The following NAV2 variants were observed in gnomAD, a reference collection of about 807,000 sequenced individuals.
NAV2 encodes the protein neuron navigator 2.
A neutral mutation model predicts 223.2 loss-of-function variants in NAV2; 54 were observed. That is an observed-to-expected ratio of 0.24 (90% CI 0.19 to 0.30). NAV2 has a LOEUF of 0.30. Ranked by LOEUF, NAV2 falls within the 10% of genes least tolerant of loss-of-function variation. NAV2 has a pLI of 1.00. For synonymous variants in NAV2, 1,279 were observed against 1,239.3 expected (o/e 1.03, Z -0.67); for missense variants, 2,806 against 3,147.5 (o/e 0.89, Z 2.60).
intron 1 of NAV2, among the ~76,000 whole-genome samples, chr11:19,697,181 A>G (rs1674646948): frequency 6.6e-6 from 1 of 152,190 alleles, no homozygotes; most frequent in Non-Finnish European, 1.5e-5. Context: ...TAAGAATGGA[A>G]AACCAAATAT....
At chr11:19,732,116 G>C (rs1165623895) in intron 1 of NAV2, among the ~76,000 whole-genome samples, 1 of 152,100 alleles carries the variant, frequency 6.6e-6, no homozygotes, top group Non-Finnish European at 1.5e-5. Flanking sequence ...AACCAGGCAT[G>C]GTGGCGCGCA....
intron 1 of NAV2, among the ~76,000 whole-genome samples, chr11:19,361,727 G>C (rs1459939808): frequency 6.6e-6 from 1 of 152,158 alleles, no homozygotes; most frequent in Non-Finnish European, 1.5e-5. Flanking sequence ...GGACAGCAAA[G>C]AGAGAAACGG....
chr11:19,750,649 ACTGAGTT>A (rs2152497298), intron 1 of NAV2, among the ~76,000 whole-genome samples: 1 of 152,282 alleles, frequency 6.6e-6, no homozygotes, highest in African/African-American at 2.4e-5. Context: ...GGGGCTTTAT[ACTGAGTT>A]CTATCTCTCA....
At chr11:19,705,592 T>C (rs1393284831) in intron 1 of NAV2, among the ~76,000 whole-genome samples, 1 of 152,096 alleles carries the variant, frequency 6.6e-6, no homozygotes, top group Non-Finnish European at 1.5e-5. Context: ...TCTGCTCCCA[T>C]TAATCTTAGG....
chr11:19,627,430 G>A (rs2047203189), intron 1 of NAV2, among the ~76,000 whole-genome samples: 2 of 151,972 alleles, frequency 1.3e-5, no homozygotes, highest in African/African-American at 4.8e-5. Context: ...GCTGGACCAA[G>A]GGGTCTGTTG....
At chr11:19,941,781 C>T (rs530746743) in intron 8 of NAV2, among the ~76,000 whole-genome samples, 17 of 152,128 alleles carry the variant, frequency 1.1e-4, no homozygotes, top group Admixed American at 5.2e-4. Flanking sequence ...CTTCATAAGG[C>T]AGCCCTTTAC....
intron 22 of NAV2, among the ~76,000 whole-genome samples, chr11:20,073,528 A>G (rs1327679732): frequency 2.6e-5 from 4 of 152,018 alleles, no homozygotes; most frequent in Non-Finnish European, 5.9e-5. Context: ...TCCTCTTTGT[A>G]CCTCTGGTAA....
intron 11 of NAV2, among the ~76,000 whole-genome samples, chr11:20,002,803 G>A (rs1423583425): frequency 6.6e-6 from 1 of 152,138 alleles, no homozygotes; most frequent in Non-Finnish European, 1.5e-5. Context: ...AGCGCCCCTG[G>A]AACTGTCTGT....
chr11:19,782,899 T>A, intron 1 of NAV2, among the ~76,000 whole-genome samples: 1 of 152,214 alleles, frequency 6.6e-6, no homozygotes, highest in Non-Finnish European at 1.5e-5. Flanking sequence ...TGGGCTGAGA[T>A]GTAGTCGAGG....
At chr11:19,369,934 G>A (rs1848415750) in intron 1 of NAV2, among the ~76,000 whole-genome samples, 1 of 152,116 alleles carries the variant, frequency 6.6e-6, no homozygotes, top group African/African-American at 2.4e-5. Context: ...CAGGCTTCTG[G>A]GTTCACTTCT....
intron 4 of NAV2, among the ~76,000 whole-genome samples, chr11:19,879,037 C>T (rs1279008287): frequency 6.6e-6 from 1 of 152,126 alleles, no homozygotes; most frequent in Non-Finnish European, 1.5e-5. Context: ...CTCAGTAGCC[C>T]CAGAACTTCA....
At chr11:19,859,147 T>A (rs1176466783) in intron 3 of NAV2, among the ~76,000 whole-genome samples, 1 of 142,620 alleles carries the variant, frequency 7.0e-6, no homozygotes, top group Non-Finnish European at 1.5e-5. Flanking sequence ...CTTTTTTTTT[T>A]TTTTTTTTTT....
At chr11:19,666,823 C>G (rs1179160438) in intron 1 of NAV2, among the ~76,000 whole-genome samples, 1 of 152,038 alleles carries the variant, frequency 6.6e-6, no homozygotes, top group Non-Finnish European at 1.5e-5. Flanking sequence ...ACTTAAGGAG[C>G]TTTTAAAAAT....
chr11:19,507,433 T>C (rs941422406), intron 1 of NAV2, among the ~76,000 whole-genome samples: 4 of 152,226 alleles, frequency 2.6e-5, no homozygotes, highest in Non-Finnish European at 5.9e-5. Flanking sequence ...TTTGTTGTAA[T>C]TAACAGGATT....
At chr11:19,393,240 C>T (rs921701203) in intron 1 of NAV2, among the ~76,000 whole-genome samples, 15 of 152,180 alleles carry the variant, frequency 9.9e-5, no homozygotes, top group African/African-American at 3.6e-4. Flanking sequence ...ATGGGAATGA[C>T]ACAGTAAGAC....
chr11:20,006,297 C>A (rs1300720101), intron 11 of NAV2, among the ~76,000 whole-genome samples: 1 of 152,260 alleles, frequency 6.6e-6, no homozygotes, highest in South Asian at 2.1e-4. Context: ...CAGGTTCCCA[C>A]AGGTCATGCC....
intron 36 of NAV2, among the ~76,000 whole-genome samples, chr11:20,112,357 C>T (rs550335796): frequency 2.1e-4 from 32 of 152,246 alleles, no homozygotes; most frequent in Admixed American, 9.8e-4. Context: ...TGGGCCAGAG[C>T]GCAGGACGGG....
At chr11:19,574,025 C>A (rs1363031772) in intron 1 of NAV2, among the ~76,000 whole-genome samples, 2 of 152,194 alleles carry the variant, frequency 1.3e-5, no homozygotes, top group Non-Finnish European at 2.9e-5. Flanking sequence ...GAGCTGGCTG[C>A]AAGGCAGGGC....
At chr11:19,353,437 C>T (rs1017142877) in intron 1 of NAV2, among the ~76,000 whole-genome samples, 3 of 152,104 alleles carry the variant, frequency 2.0e-5, no homozygotes, top group African/African-American at 7.2e-5. Context: ...CAGTGAAAAG[C>T]GTCATGGAAT....
Sources: gnomAD v4.1 joint callset for allele counts (sites outside exome capture counted in the v4.1 genomes callset) on GRCh38, gnomAD v4.1.1 for gene constraint, MANE v1.5 for transcripts, NCBI Gene and HGNC (gene_info 2026-07-23, HGNC 2026-07-21) for gene names.